Variants in NPY1R observed in about 807,000 individuals in gnomAD.
NPY1R encodes the protein neuropeptide Y receptor Y1, also known as neuropeptide Y receptor type 1.
Under a neutral mutation model 24.1 loss-of-function variants are expected in NPY1R, and 10 were observed. That is an observed-to-expected ratio of 0.42 (90% CI 0.26 to 0.71). The LOEUF is 0.71. Among genes scored for constraint, NPY1R ranks in the 30% least tolerant of loss-of-function variants. NPY1R has a pLI of 0.28. For synonymous variants in NPY1R, 168 were observed against 165.9 expected (o/e 1.01, Z -0.10); for missense variants, 350 against 458.0 (o/e 0.76, Z 2.15).
At chr4:163,325,812 TAAAGAAGGTAAA>T in intron 2 of NPY1R, 32 bp downstream of exon 2, 1 of 1,578,012 alleles carries the variant, frequency 6.3e-7, no homozygotes. Flanking sequence ...GAATTCTGTG[TAAAGAAGGTAAA>T]AATGGAAATG....
chr4:163,330,913 T>C (rs1449977472), intron 1 of NPY1R: 2 of 152,274 alleles, frequency 1.3e-5, no homozygotes, highest in African/African-American at 4.8e-5. Context: ...AATGTCAGCC[T>C]TGTTACATAC....
At chr4:163,337,632 G>A (rs963895895), upstream of NPY1R, among the ~76,000 whole-genome samples, 1 of 152,128 alleles carries the variant, frequency 6.6e-6, no homozygotes, top group Non-Finnish European at 1.5e-5. Flanking sequence ...GTCCCACCAC[G>A]CAGTCCATAA....
At chr4:163,342,966 T>C (rs1735033749) in intron 1 of NPY1R, among the ~76,000 whole-genome samples, 1 of 134,976 alleles carries the variant, frequency 7.4e-6, no homozygotes, top group Non-Finnish European at 1.5e-5. Flanking sequence ...CTTCTCTCTC[T>C]CTCTCTCTCT....
chr4:163,339,330 C>T (rs1045793190), intron 1 of NPY1R, among the ~76,000 whole-genome samples: 6 of 152,138 alleles, frequency 3.9e-5, no homozygotes, highest in Non-Finnish European at 5.9e-5. Flanking sequence ...AGGTATAAAG[C>T]CCTCTGTTAC....
intron 1 of NPY1R, among the ~76,000 whole-genome samples, chr4:163,329,462 G>A (rs557444840): frequency 1.3e-4 from 20 of 152,106 alleles, no homozygotes; most frequent in South Asian, 2.1e-4. Flanking sequence ...TCAGCCAGGC[G>A]GAGTGGAGCA....
At chr4:163,344,068 C>A (rs1165434500) in intron 1 of NPY1R, 1 of 152,192 alleles carries the variant, frequency 6.6e-6, no homozygotes, top group Non-Finnish European at 1.5e-5. Context: ...GGGGCCGTGG[C>A]GGGTCCCCGC....
upstream of NPY1R, among the ~76,000 whole-genome samples, chr4:163,333,907 A>G (rs973313535): frequency 6.6e-6 from 1 of 152,208 alleles, no homozygotes; most frequent in African/African-American, 2.4e-5. Flanking sequence ...TGATTGTACT[A>G]TTAGTGTATA....
Position 163,325,411 on chromosome 4 carries a change from T to A in NPY1R, c.1047A>T (p.Thr349=), listed in dbSNP as rs752891986. ...CTGTGTGCATCGTGGACATGGCTATTGTTTCATAATCATCATCCCGAGACC... is the reference window on the plus strand; with the variant it reads ...CTGTGTGCATCGTGGACATGGCTATAGTTTCATAATCATCATCCCGAGACC... ...DFRSRDDDYE[T]IAMSTMHTDV... is the part of the protein sequence containing the mutation. The change falls in exon 3 of 3, where the codon ACA becomes ACT. Residue 349 remains threonine, a synonymous_variant. Coordinates refer to ENST00000296533, the MANE Select transcript of NPY1R (RefSeq NM_000909.6). 1.2e-6 allele frequency: 2 copies of A among 1,614,182 alleles called. No individual in the cohort carries two copies. The highest frequency in any genetic ancestry group is 1.7e-6 in the Non-Finnish European group (2 of 1,179,994).
intron 1 of NPY1R, among the ~76,000 whole-genome samples, chr4:163,341,086 T>A (rs1320495637): frequency 2.6e-5 from 4 of 151,700 alleles, no homozygotes; most frequent in African/African-American, 9.7e-5. Flanking sequence ...CAATAGCTTT[T>A]GGGTTTTTTT....
chr4:163,325,927 A>G lies in NPY1R; in HGVS notation c.628T>C (p.Ser210Pro). 1 of 1,614,110 alleles carries G rather than the reference A, an allele frequency of 6.2e-7. No individual in the cohort carries two copies. The stretch of plus-strand genomic sequence containing the variant: ...AGCACCAAGAGGAGAGTGGTATAAG[A>G]CAACCTATGAGAGTCCGATGGAAAT... ...DQFPSDSHRL[S>P]YTTLLLVLQY... Residue 210 changes from serine (S) to proline (P), a missense_variant, in exon 2 of 3, where the codon TCT (serine) becomes CCT (proline). Ser to Pro is a moderately conservative substitution (Grantham distance 74). Coordinates refer to ENST00000296533, the MANE Select transcript of NPY1R (RefSeq NM_000909.6).
intron 1 of NPY1R, among the ~76,000 whole-genome samples, chr4:163,342,210 G>T (rs567721836): frequency 1.4e-3 from 212 of 152,066 alleles, no homozygotes; most frequent in Non-Finnish European, 2.4e-3. Context: ...ACAAATTTGT[G>T]GAAAATAAAA....
intron 1 of NPY1R, among the ~76,000 whole-genome samples, chr4:163,329,927 T>A (rs1734691442): frequency 1.3e-5 from 2 of 151,894 alleles, no homozygotes; most frequent in South Asian, 4.2e-4. Flanking sequence ...GTGCCTATAA[T>A]CCTGAGAGAG....
At chr4:163,340,687 G>A (rs1269102882) in intron 1 of NPY1R, among the ~76,000 whole-genome samples, 1 of 152,008 alleles carries the variant, frequency 6.6e-6, no homozygotes, top group Non-Finnish European at 1.5e-5. Flanking sequence ...AACGAAGACT[G>A]AAAAATCAAG....
upstream of NPY1R, among the ~76,000 whole-genome samples, chr4:163,337,974 A>G (rs560246398): frequency 8.5e-5 from 13 of 152,262 alleles, no homozygotes; most frequent in East Asian, 2.3e-3. Context: ...ACTTGCTTGT[A>G]TTTGTTCTTT....
chr4:163,340,309 CATATAT>C (rs142056779), intron 1 of NPY1R, among the ~76,000 whole-genome samples: 1 of 147,530 alleles, frequency 6.8e-6, no homozygotes, highest in African/African-American at 2.5e-5. Context: ...TCTTCTTGTA[CATATAT>C]ATATATATAT....
chr4:163,344,413 C>T (rs955010833), exon 1 of NPY1R: 1 of 152,276 alleles, frequency 6.6e-6, no homozygotes, highest in Non-Finnish European at 1.5e-5. Flanking sequence ...CCCGGCTGGA[C>T]GCGCTCTGGC....
rs1734556184 is a variant in NPY1R, at chr4:163,324,356, C to A, written c.*947G>T. On this transcript the variant is annotated 3_prime_UTR_variant, in exon 3 of 3. Transcript: ENST00000296533. The stretch of plus-strand genomic sequence containing the variant: ...AGTTAAAAATCAGTCACTATATAGG[C>A]ACTGCTGTATGGAAAACGCATTTTG... The A allele has an allele frequency of 6.6e-6, 1 of 152,534 alleles. No individual in the cohort carries two copies. Among genetic ancestry groups the A allele is most frequent in the Non-Finnish European group, 1.5e-5 (1 of 68,004 alleles). The allele number at this position is 152,534 out of a possible 1,614,324, so 9.4% of individuals were successfully genotyped here. A position where few individuals can be genotyped will look rare whatever the true frequency, so the allele number is the denominator to read the frequency against.
intron 1 of NPY1R, among the ~76,000 whole-genome samples, chr4:163,329,715 GGAGTGGT>G (rs1734685823): frequency 1.3e-5 from 2 of 152,264 alleles, no homozygotes; most frequent in South Asian, 2.1e-4. Flanking sequence ...AGACCTGAGA[GGAGTGGT>G]GAGTAGGGAA....
At position 163,326,168 on chromosome 4, in the gene NPY1R, G is replaced by A; in HGVS notation, c.387C>T (p.Phe129=). Residue 129 remains phenylalanine, a synonymous_variant, in exon 2 of 3, where the codon TTC becomes TTT. Transcript: ENST00000296533. ...GTTCCACAGCAATGAGAACCAGAGA[G>A]AAAATGGACACAGTGATTGAAACAC... ...VQCVSITVSI[F]SLVLIAVERH... 6.2e-7 allele frequency: 1 copy of A among 1,614,140 alleles called. No individual in the cohort carries two copies.
Sources: gnomAD v4.1 joint callset for allele counts (sites outside exome capture counted in the v4.1 genomes callset) on GRCh38, gnomAD v4.1.1 for gene constraint, MANE v1.5 for transcripts, NCBI Gene and HGNC (gene_info 2026-07-23, HGNC 2026-07-21) for gene names.